MYO6: variants seen among roughly 807,000 people sequenced by gnomAD.
MYO6 encodes the protein myosin VI.
MYO6 carries 74 observed loss-of-function variants against 178.7 expected under a neutral mutation model. The ratio of observed to expected loss-of-function variants is 0.41; its 90% CI spans 0.34 to 0.50. The LOEUF (loss-of-function observed/expected upper bound fraction) is 0.50. Ranked by LOEUF, MYO6 falls within the 20% of genes least tolerant of loss-of-function variation. The pLI is 0.09. For synonymous variants in MYO6, 477 were observed against 504.6 expected (o/e 0.95, Z 0.73); for missense variants, 1,330 against 1,547.4 (o/e 0.86, Z 2.36).
intron 25 of MYO6, among the ~76,000 whole-genome samples, chr6:75,887,662 A>C (rs1778556608): frequency 6.7e-6 from 1 of 148,494 alleles, no homozygotes; most frequent in Non-Finnish European, 1.5e-5. Context: ...AAATGAAAAA[A>C]GAAAACTAAA....
At chr6:75,881,852 C>G (rs376400940) in intron 23 of MYO6, 34 bp downstream of exon 23, 2 of 1,610,544 alleles carry the variant, frequency 1.2e-6, no homozygotes, top group Non-Finnish European at 1.7e-6. Flanking sequence ...TAGGATCTTT[C>G]ATTGTTTCAA....
rs1186297747 is a variant in MYO6, at chr6:75,918,069, T to C, written c.*3057T>C. ...CTGAAAAATATATCAAAGCCTTTGC[T>C]GCAATCATATGTAACAAAAAGAACC... On this transcript the variant is annotated 3_prime_UTR_variant, in exon 35 of 35. Coordinates refer to ENST00000369977, the MANE Select transcript of MYO6 (RefSeq NM_004999.4). 6.6e-6 allele frequency: 1 copy of C among 152,232 alleles called. No individual in the cohort carries two copies. The highest frequency in any genetic ancestry group is 1.5e-5 in the Non-Finnish European group (1 of 68,038). The allele number at this position is 152,232 out of a possible 1,614,324, so 9.4% of individuals were successfully genotyped here. A position where few individuals can be genotyped will look rare whatever the true frequency, so the allele number is the denominator to read the frequency against.
chr6:75,793,432 T>A (rs1304828036), intron 1 of MYO6, among the ~76,000 whole-genome samples: 2 of 151,946 alleles, frequency 1.3e-5, no homozygotes, highest in Non-Finnish European at 2.9e-5. Flanking sequence ...GGTGAAACCT[T>A]GTTTCTACTA....
intron 33 of MYO6, among the ~76,000 whole-genome samples, chr6:75,912,426 C>G (rs1297232604): frequency 1.3e-5 from 2 of 151,972 alleles, no homozygotes; most frequent in Non-Finnish European, 2.9e-5. Context: ...TAGTTTCAAG[C>G]TTTTAATGTC....
At chr6:75,864,075 C>T (rs1356606433) in intron 16 of MYO6, among the ~76,000 whole-genome samples, 4 of 151,736 alleles carry the variant, frequency 2.6e-5, no homozygotes, top group Admixed American at 2.6e-4. Context: ...TCATTAACAA[C>T]AACAACAACA....
At chr6:75,910,171 ACTGT>A (rs1224778639) in intron 32 of MYO6, among the ~76,000 whole-genome samples, 2 of 152,170 alleles carry the variant, frequency 1.3e-5, no homozygotes, top group Non-Finnish European at 2.9e-5. Context: ...TTAGCTGTTC[ACTGT>A]CTGTGTAGTG....
chr6:75,785,949 TC>T (rs1161569768), intron 1 of MYO6, among the ~76,000 whole-genome samples: 2 of 151,986 alleles, frequency 1.3e-5, no homozygotes, highest in South Asian at 2.1e-4. Flanking sequence ...GGAGTCTTGC[TC>T]TGTTGCCCAG....
At chr6:75,840,157 T>G (rs1017483628) in intron 7 of MYO6, among the ~76,000 whole-genome samples, 3 of 140,034 alleles carry the variant, frequency 2.1e-5, no homozygotes, top group Non-Finnish European at 4.7e-5. Flanking sequence ...TCCTTCATGT[T>G]AATTTTTTTT....
intron 1 of MYO6, among the ~76,000 whole-genome samples, chr6:75,779,231 GT>G (rs1432960031): frequency 6.6e-6 from 1 of 152,076 alleles, no homozygotes; most frequent in Non-Finnish European, 1.5e-5. Context: ...GCCGGGTGCA[GT>G]GTCTCACACC....
At chr6:75,894,003 A>T (rs887032855) in intron 28 of MYO6, among the ~76,000 whole-genome samples, 1 of 152,202 alleles carries the variant, frequency 6.6e-6, no homozygotes, top group Non-Finnish European at 1.5e-5. Flanking sequence ...AAACGAACCA[A>T]ACTCTTACAG....
rs373094034 is a variant in MYO6, at chr6:75,835,934, T to A, written c.531T>A (p.Asp177Glu). The change falls in exon 7 of 35, where the codon GAT becomes GAA. Residue 177 changes from aspartate to glutamate, a missense_variant. Physicochemically the swap from Asp to Glu is conservative, Grantham distance 45. Around this residue, in one of 3 missense-constraint regions of MYO6, gnomAD observed 613 missense variants for 816.8 expected, o/e 0.75. Coordinates refer to ENST00000369977, the MANE Select transcript of MYO6 (RefSeq NM_004999.4). Reference protein sequence around the residue: ...YLTESYGTGQDIDDRIVEANP... With the variant: ...YLTESYGTGQEIDDRIVEANP... ...CTGAATCCTATGGAACAGGTCAAGATATTGATGACAGAATTGTTGAAGGTA... is the reference window on the plus strand; with the variant it reads ...CTGAATCCTATGGAACAGGTCAAGAAATTGATGACAGAATTGTTGAAGGTA... 6.2e-7 allele frequency: 1 copy of A among 1,608,778 alleles called. No homozygotes were observed. Among genetic ancestry groups the A allele is most frequent in the Non-Finnish European group, 8.5e-7 (1 of 1,175,154 alleles).
chr6:75,766,262 G>A lies in MYO6; in HGVS notation c.-48+16839G>A, dbSNP rs371461231. Among the ~76,000 whole-genome samples the A allele has an allele frequency of 7.0e-4, 107 of 152,204 alleles. 1 individual carries two copies. Among genetic ancestry groups the A allele is most frequent in the African/African-American group, 2.5e-3 (102 of 41,522 alleles). ...CGCTTGAACCCAGGAGGTGGAGGTT[G>A]CAGTGAGCAGAGACCACACCATTGT... is the stretch of plus-strand genomic sequence containing the variant. On this transcript the variant is annotated intron_variant, in intron 1 of 34. Coordinates refer to ENST00000369977, the MANE Select transcript of MYO6 (RefSeq NM_004999.4).
At chr6:75,817,406 G>T in intron 1 of MYO6, 95 bp from the exon 2 acceptor site, 2 of 728,602 alleles carry the variant, frequency 2.7e-6, no homozygotes, top group East Asian at 2.7e-5. Context: ...TTTGTTAGTT[G>T]GGACTTACAT....
chr6:75,792,153 A>G (rs1768315822), intron 1 of MYO6, among the ~76,000 whole-genome samples: 1 of 152,190 alleles, frequency 6.6e-6, no homozygotes, highest in South Asian at 2.1e-4. Context: ...AAAAACAGTT[A>G]AATTCTGATG....
intron 28 of MYO6, among the ~76,000 whole-genome samples, chr6:75,893,255 T>C (rs1189922174): frequency 2.0e-5 from 3 of 152,108 alleles, no homozygotes; most frequent in African/African-American, 7.2e-5. Context: ...AGCACTCCAC[T>C]ATAGTGGAGT....
intron 11 of MYO6, among the ~76,000 whole-genome samples, chr6:75,853,763 A>G (rs182742585): frequency 4.5e-4 from 68 of 152,320 alleles, no homozygotes; most frequent in African/African-American, 1.6e-3. Flanking sequence ...CTTAGAATAT[A>G]TCGTTTATTA....
At chr6:75,842,846 A>G (rs3798441) in intron 9 of MYO6, among the ~76,000 whole-genome samples, 19,763 of 152,002 alleles carry the variant, frequency 0.13, 1,362 homozygotes, top group Non-Finnish European at 0.15. Context: ...TTGGGAGTAT[A>G]GTATTTTTGG....
In MYO6 at chr6:75,848,331, G is replaced by A. The variant is rs369378991; in HGVS notation, c.898-20G>A. On this transcript the variant is annotated intron_variant, in intron 10 of 34. Coordinates refer to ENST00000369977, the MANE Select transcript of MYO6 (RefSeq NM_004999.4). ...TAAATAATGTAACGATCAGTTAATT[G>A]GTGTCTTCTTGTTTTGTAGTACCTT... 95 of 1,605,334 alleles carry A rather than the reference G, an allele frequency of 5.9e-5. No individual in the cohort carries two copies. Among genetic ancestry groups the A allele is most frequent in the Non-Finnish European group, 7.2e-5 (84 of 1,172,282 alleles).
intron 29 of MYO6, among the ~76,000 whole-genome samples, chr6:75,896,209 A>G (rs113269095): frequency 1.5e-3 from 230 of 152,336 alleles, no homozygotes; most frequent in African/African-American, 5.4e-3. Context: ...TCCAGTCCCA[A>G]TAACAATTTT....
Sources: allele counts gnomAD v4.1 joint callset (sites outside exome capture counted in the v4.1 genomes callset), GRCh38; gene constraint gnomAD v4.1.1; regional missense constraint gnomAD v4.1.1; transcripts MANE v1.5; gene names NCBI Gene and HGNC (gene_info 2026-07-23, HGNC 2026-07-21).